Variants in TMEM63C observed in about 807,000 individuals in gnomAD.
TMEM63C encodes the protein osmosensitive cation channel TMEM63C.
In TMEM63C, 32 loss-of-function variants were observed where a neutral mutation model predicts 99.2. That is an observed-to-expected ratio of 0.32 (90% CI 0.24 to 0.43). The LOEUF (loss-of-function observed/expected upper bound fraction) is 0.43, where lower values mean the gene tolerates loss of function less well. Ranked by LOEUF, TMEM63C falls within the 20% of genes least tolerant of loss-of-function variation. The pLI is 1.00. For synonymous variants in TMEM63C, 376 were observed against 397.9 expected (o/e 0.94, Z 0.66); for missense variants, 826 against 1,053.0 (o/e 0.78, Z 2.98).
At chr14:77,183,285 C>T (rs1887944404) in intron 1 of TMEM63C, among the ~76,000 whole-genome samples, 2 of 152,178 alleles carry the variant, frequency 1.3e-5, no homozygotes, top group Non-Finnish European at 2.9e-5. Flanking sequence ...TCTCTTCGCA[C>T]CCCACAGTCC....
At chr14:77,225,572 G>T in intron 6 of TMEM63C, 111 bp downstream of exon 6, 1 of 1,093,534 alleles carries the variant, frequency 9.1e-7, no homozygotes. Context: ...CCTGAGCTCC[G>T]TATCCTCCCC....
chr14:77,256,474 G>A (rs1379065989), intron 23 of TMEM63C, 52 bp from the exon 24 acceptor site: 2 of 1,582,624 alleles, frequency 1.3e-6, no homozygotes, highest in Middle Eastern at 1.7e-4. Context: ...TGTGCCCAGG[G>A]CCTTGCCCCC....
In TMEM63C at chr14:77,258,242, C is replaced by T. The variant is rs2140137336; in HGVS notation, c.*1516C>T. On this transcript the variant is annotated 3_prime_UTR_variant, in exon 24 of 24. Transcript: ENST00000298351. ...GGTCTGGGTCCCTGCCACCAACCTA[C>T]TGAAGGCCGGCCCCCGGCTCACCTC... is the stretch of plus-strand genomic sequence containing the variant. The T allele has an allele frequency of 6.5e-6, 1 of 153,170 alleles. No homozygotes were observed. The highest frequency in any genetic ancestry group is 2.1e-4 in the South Asian group (1 of 4,842). 9.5% of individuals were successfully genotyped at this position (153,170 alleles called of 1,614,324 possible). A position where few individuals can be genotyped will look rare whatever the true frequency, so the allele number is the denominator to read the frequency against.
chr14:77,202,313 A>ACACACAC (rs1594851801), intron 1 of TMEM63C, among the ~76,000 whole-genome samples: 1 of 69,760 alleles, frequency 1.4e-5, no homozygotes, highest in Non-Finnish European at 3.4e-5. Context: ...CACACACACA[A>ACACACAC]ACACATTGAC....
chr14:77,182,860 G>A (rs1887937434), intron 1 of TMEM63C, among the ~76,000 whole-genome samples: 1 of 152,124 alleles, frequency 6.6e-6, no homozygotes, highest in Admixed American at 6.5e-5. Context: ...GGAGAGGAAG[G>A]CCCGTGCTGA....
chr14:77,225,469 C>T lies in TMEM63C; in HGVS notation c.350+8C>T. The T allele has an allele frequency of 6.2e-7, 1 of 1,612,920 alleles. No homozygotes were observed. The stretch of plus-strand genomic sequence containing the variant: ...CAACAGCATAACAATGAAGTAAGTG[C>T]CCGGGCTCTGTGAGCTTGTGACCGT... On this transcript the variant is annotated splice_region_variant and intron_variant, in intron 6 of 23. Transcript: ENST00000298351.
At chr14:77,226,742 G>A (rs1477872762) in intron 6 of TMEM63C, among the ~76,000 whole-genome samples, 1 of 149,582 alleles carries the variant, frequency 6.7e-6, no homozygotes, top group Non-Finnish European at 1.5e-5. Context: ...GAGGGTAAAA[G>A]ATTGGGCTGG....
At chr14:77,214,420 C>A (rs146727585) in intron 2 of TMEM63C, among the ~76,000 whole-genome samples, 1 of 152,052 alleles carries the variant, frequency 6.6e-6, no homozygotes, top group Non-Finnish European at 1.5e-5. Context: ...CCTCACCCTC[C>A]GACTGGGAGA....
intron 19 of TMEM63C, 76 bp downstream of exon 19, chr14:77,248,585 C>A: frequency 1.3e-6 from 2 of 1,538,732 alleles, no homozygotes; most frequent in Non-Finnish European, 1.8e-6. Flanking sequence ...CTGCTAGAAG[C>A]ACCAAGGGGG....
intron 16 of TMEM63C, among the ~76,000 whole-genome samples, chr14:77,244,913 C>T (rs948077078): frequency 6.6e-6 from 1 of 152,244 alleles, no homozygotes; most frequent in Non-Finnish European, 1.5e-5. Context: ...CCATGCCAAC[C>T]TTTTACCCAA....
At chr14:77,191,538 C>CTTTTTTT (rs71125542) in intron 1 of TMEM63C, among the ~76,000 whole-genome samples, 1,866 of 82,548 alleles carry the variant, frequency 0.023, 3 homozygotes, top group East Asian at 0.03. Context: ...TTTTCTTTTT[C>CTTTTTTT]TTTTTTTTTT....
intron 1 of TMEM63C, among the ~76,000 whole-genome samples, chr14:77,207,069 C>T (rs918648202): frequency 3.9e-5 from 6 of 152,232 alleles, no homozygotes; most frequent in Admixed American, 3.9e-4. Context: ...GCTGCCTCTG[C>T]CTTCTGTCTC....
rs749486373 is a variant in TMEM63C, at chr14:77,219,500, C to T, written c.153C>T (p.Leu51=). 9.3e-6 allele frequency: 15 copies of T among 1,613,788 alleles called. No homozygotes were observed. Among genetic ancestry groups the T allele is most frequent in the South Asian group, 2.2e-5 (2 of 91,086 alleles). ...ACATTGCTTTTCCTGGCCTGTAGCTCGTCCTTGTGGTTTACTCCTTCCTCC... is the reference window on the plus strand; with the variant it reads ...ACATTGCTTTTCCTGGCCTGTAGCTTGTCCTTGTGGTTTACTCCTTCCTCC... ...VLCLNIALWV[L]VLVVYSFLRK... is the part of the protein sequence containing the mutation. Residue 51 remains leucine, a splice_region_variant and synonymous_variant, in exon 4 of 24, where the codon CTC becomes CTT. Coordinates refer to ENST00000298351, the MANE Select transcript of TMEM63C (RefSeq NM_020431.4).
At chr14:77,251,187 G>A (rs1889352947) in intron 21 of TMEM63C, among the ~76,000 whole-genome samples, 2 of 152,218 alleles carry the variant, frequency 1.3e-5, no homozygotes, top group Non-Finnish European at 2.9e-5. Flanking sequence ...AGTTCTCCGT[G>A]ATTGGATATT....
At chr14:77,202,281 T>G (rs1269500079) in intron 1 of TMEM63C, among the ~76,000 whole-genome samples, 1 of 110,466 alleles carries the variant, frequency 9.1e-6, no homozygotes, top group Non-Finnish European at 1.8e-5. Context: ...CCTCAAAACA[T>G]ACTCAGATAC....
rs1236482864 is a variant in TMEM63C at position 77,239,489 on chromosome 14, A to T, written c.803A>T (p.Gln268Leu). The change falls in exon 11 of 24, where the codon CAG becomes CTG. Residue 268 changes from glutamine (Q) to leucine (L), a missense_variant. Physicochemically the swap from Gln to Leu is moderately radical, Grantham distance 113 (BLOSUM62 -2). Coordinates refer to ENST00000298351, the MANE Select transcript of TMEM63C (RefSeq NM_020431.4). The part of the protein sequence containing the change: ...DVRNLIDLDD[Q>L]RRHAMRGRLF... ...AGGAACCTGATCGACTTGGACGATC[A>T]GAGGTGAGGCTGCAGCGGGGCCTTT... The T allele has an allele frequency of 6.2e-7, 1 of 1,613,542 alleles. No individual in the cohort carries two copies. The highest frequency in any genetic ancestry group is 1.7e-5 in the Admixed American group (1 of 60,022).
At chr14:77,233,356 C>T in intron 7 of TMEM63C, 96 bp from the exon 8 acceptor site, 1 of 1,312,958 alleles carries the variant, frequency 7.6e-7, no homozygotes, top group Non-Finnish European at 1.1e-6. Flanking sequence ...AGGCAAGCAT[C>T]TCCAGACCCC....
chr14:77,226,956 C>T (rs1366255830), intron 6 of TMEM63C, among the ~76,000 whole-genome samples: 1 of 151,950 alleles, frequency 6.6e-6, no homozygotes, highest in Non-Finnish European at 1.5e-5. Flanking sequence ...TTAGTAGAGA[C>T]GGGGTTTCAC....
intron 2 of TMEM63C, among the ~76,000 whole-genome samples, chr14:77,214,477 G>A (rs539197694): frequency 6.6e-6 from 1 of 152,090 alleles, no homozygotes; most frequent in South Asian, 2.1e-4. Context: ...GGTGGTTCCT[G>A]CTTCCCCTCC....
Sources: gnomAD v4.1 joint callset for allele counts (sites outside exome capture counted in the v4.1 genomes callset) on GRCh38, gnomAD v4.1.1 for gene constraint, MANE v1.5 for transcripts, NCBI Gene and HGNC (gene_info 2026-07-23, HGNC 2026-07-21) for gene names.